ARID2: variants seen among roughly 807,000 people sequenced by gnomAD.
ARID2 encodes the protein AT-rich interactive domain-containing protein 2.
In ARID2, 32 loss-of-function variants were observed where a neutral mutation model predicts 184.6. The ratio of observed to expected loss-of-function variants is 0.17; its 90% CI spans 0.13 to 0.23. The LOEUF is 0.23. Ranked by LOEUF, ARID2 falls within the 10% of genes least tolerant of loss-of-function variation. The pLI is 1.00. For missense variants in ARID2, 1,696 were observed against 2,197.6 expected (o/e 0.77, Z 4.56); for synonymous variants, 836 against 772.6 (o/e 1.08, Z -1.36).
Position 45,893,680 on chromosome 12 carries a change from A to G in ARID2, c.5322A>G (p.Leu1774=), listed in dbSNP as rs1944333273. Residue 1774 remains leucine, a synonymous_variant, in exon 20 of 21, where the codon TTA becomes TTG. Transcript: ENST00000334344. ...AACACATCCGACTAACAGCTGCCTT[A>G]ATATTAAAAAATATTGGTAAATATT... The part of the protein sequence containing the change: ...ITKHIRLTAA[L]ILKNIGKYSE... 4 of 1,604,980 alleles carry G rather than the reference A, an allele frequency of 2.5e-6. No homozygotes were observed. Among genetic ancestry groups the G allele is most frequent in the Non-Finnish European group, 3.4e-6 (4 of 1,177,612 alleles).
intron 3 of ARID2, among the ~76,000 whole-genome samples, chr12:45,787,492 C>G (rs1942217187): frequency 6.6e-6 from 1 of 151,986 alleles, no homozygotes; most frequent in Non-Finnish European, 1.5e-5. Flanking sequence ...ACCTTCGCCT[C>G]CCAAAGTGCT....
At chr12:45,736,657 G>C (rs931190669) in intron 3 of ARID2, among the ~76,000 whole-genome samples, 8 of 152,158 alleles carry the variant, frequency 5.3e-5, no homozygotes, top group Admixed American at 5.2e-4. Context: ...TCCTTTTGCT[G>C]CTTTGATCAC....
intron 8 of ARID2, 49 bp from the exon 9 acceptor site, chr12:45,837,272 C>T (rs1943237727): frequency 7.0e-7 from 1 of 1,434,768 alleles, no homozygotes. Context: ...TTGAAGTATA[C>T]AACTCTGGAA....
chr12:45,740,599 A>G (rs566135838), intron 3 of ARID2, among the ~76,000 whole-genome samples: 1 of 152,276 alleles, frequency 6.6e-6, no homozygotes, highest in African/African-American at 2.4e-5. Context: ...TCGCTAATGT[A>G]ACAATGGACA....
chr12:45,896,534 C>A (rs1944369755), intron 20 of ARID2, among the ~76,000 whole-genome samples: 1 of 152,170 alleles, frequency 6.6e-6, no homozygotes, highest in Non-Finnish European at 1.5e-5. Flanking sequence ...TGCAAAAGCT[C>A]TCTTGTTTGC....
intron 6 of ARID2, among the ~76,000 whole-genome samples, chr12:45,832,810 A>G (rs1738590022): frequency 6.6e-6 from 1 of 152,212 alleles, no homozygotes; most frequent in Non-Finnish European, 1.5e-5. Flanking sequence ...TGCAACAACT[A>G]TTTACTTCAC....
In ARID2 at chr12:45,847,760, T is replaced by G. The variant is rs950831461; in HGVS notation, c.1580+823T>G. ...AATACATTTTTGTTCCTATGACAGT[T>G]TTCTCCAGACTTTTCTACTTTGCTT... is the stretch of plus-strand genomic sequence containing the variant. On this transcript the variant is annotated intron_variant, in intron 12 of 20. Transcript: ENST00000334344. 2.6e-5 allele frequency among the ~76,000 whole-genome samples: 4 copies of G among 152,202 alleles called. No individual in the cohort carries two copies. The South Asian group carries it at 8.3e-4, about 32-fold the overall frequency.
intron 3 of ARID2, among the ~76,000 whole-genome samples, chr12:45,778,698 TGAC>T (rs1435619810): frequency 1.3e-5 from 2 of 152,098 alleles, no homozygotes; most frequent in South Asian, 2.1e-4. Flanking sequence ...TTTAAATAAA[TGAC>T]GGTTCATTTA....
At chr12:45,750,272 C>G (rs1000113455) in intron 3 of ARID2, among the ~76,000 whole-genome samples, 25 of 152,092 alleles carry the variant, frequency 1.6e-4, no homozygotes, top group African/African-American at 6.0e-4. Flanking sequence ...GTGGAGTAGT[C>G]AGAACACACA....
chr12:45,836,310 A>G (rs1459366341), intron 6 of ARID2, among the ~76,000 whole-genome samples: 1 of 152,178 alleles, frequency 6.6e-6, no homozygotes, highest in African/African-American at 2.4e-5. Context: ...CCAGGCCTCA[A>G]GTGATCCTCC....
chr12:45,903,273 A>G (rs1347897398), intron 20 of ARID2, among the ~76,000 whole-genome samples: 1 of 152,078 alleles, frequency 6.6e-6, no homozygotes, highest in Non-Finnish European at 1.5e-5. Context: ...ATTTGGGGCT[A>G]TTAAGAGTAA....
At chr12:45,839,191 A>T in intron 10 of ARID2, 138 bp from the exon 11 acceptor site, 6 of 862,214 alleles carry the variant, frequency 7.0e-6, no homozygotes, top group Non-Finnish European at 1.0e-5. Flanking sequence ...AAAGATGCAC[A>T]GGTAATTCTG....
chr12:45,808,800 C>T (rs564555853), intron 3 of ARID2, among the ~76,000 whole-genome samples: 1 of 151,914 alleles, frequency 6.6e-6, no homozygotes, highest in Admixed American at 6.6e-5. Flanking sequence ...TTTGCCCTAT[C>T]GTCCAGGCAG....
intron 15 of ARID2, among the ~76,000 whole-genome samples, chr12:45,858,685 AC>A (rs1943694023): frequency 6.6e-6 from 1 of 152,176 alleles, no homozygotes; most frequent in African/African-American, 2.4e-5. Context: ...TTTATTACTT[AC>A]ACTTTACAGA....
chr12:45,735,020 T>G (rs1941081409), intron 3 of ARID2, among the ~76,000 whole-genome samples: 1 of 152,192 alleles, frequency 6.6e-6, no homozygotes, highest in Non-Finnish European at 1.5e-5. Context: ...TCATTTCTAT[T>G]TATATGTACC....
chr12:45,798,274 T>C (rs917650816), intron 3 of ARID2, among the ~76,000 whole-genome samples: 3 of 152,200 alleles, frequency 2.0e-5, no homozygotes, highest in Non-Finnish European at 2.9e-5. Flanking sequence ...TCCTATTCTT[T>C]GCTAACATGC....
chr12:45,771,143 C>A (rs1941867645), intron 3 of ARID2, among the ~76,000 whole-genome samples: 1 of 152,098 alleles, frequency 6.6e-6, no homozygotes, highest in Non-Finnish European at 1.5e-5. Context: ...TTTTCCATTT[C>A]TTAATTGATT....
intron 11 of ARID2, chr12:45,841,382 C>T (rs902803390): frequency 1.3e-5 from 2 of 152,118 alleles, no homozygotes; most frequent in Non-Finnish European, 2.9e-5. Flanking sequence ...AGAGATGGGA[C>T]TAGACTGCTC....
chr12:45,788,478 T>G (rs1261492298), intron 3 of ARID2, among the ~76,000 whole-genome samples: 1 of 152,182 alleles, frequency 6.6e-6, no homozygotes, highest in Non-Finnish European at 1.5e-5. Context: ...CTTTATTTTA[T>G]AAAGAAATTG....
Sources: gnomAD v4.1 joint callset for allele counts (sites outside exome capture counted in the v4.1 genomes callset) on GRCh38, gnomAD v4.1.1 for gene constraint, MANE v1.5 for transcripts, NCBI Gene and HGNC (gene_info 2026-07-23, HGNC 2026-07-21) for gene names.